Variants in IGF2BP3 observed in about 807,000 individuals in gnomAD.
The protein encoded by IGF2BP3 is insulin like growth factor 2 mRNA binding protein 3, also known as insulin-like growth factor 2 mRNA-binding protein 3.
Under a neutral mutation model 73.8 loss-of-function variants are expected in IGF2BP3, and 9 were observed. The ratio of observed to expected loss-of-function variants is 0.12; its 90% CI spans 0.07 to 0.21. The LOEUF (loss-of-function observed/expected upper bound fraction) is 0.21. IGF2BP3 is among the 10% of genes least tolerant of loss of function. The probability of loss-of-function intolerance (pLI) is 1.00; values close to 1 mark genes in which losing one functional copy is unlikely to be tolerated. For missense variants in IGF2BP3, 542 were observed against 714.0 expected (o/e 0.76, Z 2.75); for synonymous variants, 258 against 256.7 (o/e 1.01, Z -0.05).
chr7:23,387,475 T>C (rs1324936257), intron 3 of IGF2BP3, among the ~76,000 whole-genome samples: 1 of 152,214 alleles, frequency 6.6e-6, no homozygotes, highest in African/African-American at 2.4e-5. Flanking sequence ...GAATTTGGTT[T>C]ACTATAAACC....
chr7:23,453,681 T>C (rs147301317), intron 2 of IGF2BP3, among the ~76,000 whole-genome samples: 2 of 152,298 alleles, frequency 1.3e-5, no homozygotes, highest in South Asian at 2.1e-4. Flanking sequence ...TGCCAAGAAG[T>C]CTTTGCCAAT....
At chr7:23,448,924 A>C (rs116721141) in intron 2 of IGF2BP3, among the ~76,000 whole-genome samples, 3,774 of 151,798 alleles carry the variant, frequency 0.025, 151 homozygotes, top group African/African-American at 0.086. Flanking sequence ...GAGCCACTGC[A>C]TCCAGCCACC....
chr7:23,380,522 G>A lies in IGF2BP3; in HGVS notation c.286-18781C>T, dbSNP rs758541843. ...ATCCATGCAATTTAATATGGTTCAA[G>A]ACTGTCATACATTACTCTCATCCAC... On this transcript the variant is annotated intron_variant, in intron 3 of 14. Coordinates refer to ENST00000258729, the MANE Select transcript of IGF2BP3 (RefSeq NM_006547.3). Among the ~76,000 whole-genome samples, 97 of 152,106 alleles carry A rather than the reference G, an allele frequency of 6.4e-4. 1 individual carries two copies. Among genetic ancestry groups the A allele is most frequent in the Admixed American group, 5.2e-4 (8 of 15,248 alleles).
chr7:23,408,979 G>T (rs1211002473), intron 3 of IGF2BP3, among the ~76,000 whole-genome samples: 2 of 143,616 alleles, frequency 1.4e-5, no homozygotes, highest in East Asian at 1.9e-4. Flanking sequence ...GTGGGGATGG[G>T]GGGGATGGCT....
At chr7:23,443,110 T>A (rs1477597670) in intron 2 of IGF2BP3, among the ~76,000 whole-genome samples, 7 of 136,868 alleles carry the variant, frequency 5.1e-5, no homozygotes, top group African/African-American at 2.0e-4. Context: ...TGATTTTTTT[T>A]TTTTTTTTTT....
At chr7:23,420,141 T>C (rs753749895) in intron 2 of IGF2BP3, among the ~76,000 whole-genome samples, 12 of 152,206 alleles carry the variant, frequency 7.9e-5, no homozygotes, top group Non-Finnish European at 1.6e-4. Flanking sequence ...AAACTAGCAA[T>C]TGAGCTTGAC....
chr7:23,321,934 A>T (rs555045804), intron 10 of IGF2BP3, among the ~76,000 whole-genome samples: 1 of 152,230 alleles, frequency 6.6e-6, no homozygotes, highest in South Asian at 2.1e-4. Flanking sequence ...CATCACCGTC[A>T]TCAAAGACCA....
intron 11 of IGF2BP3, among the ~76,000 whole-genome samples, chr7:23,318,092 C>T (rs1381188405): frequency 6.6e-6 from 1 of 152,206 alleles, no homozygotes; most frequent in Non-Finnish European, 1.5e-5. Context: ...TCTCCATTGC[C>T]TGTGTTCACT....
Position 23,317,732 on chromosome 7 carries a change from C to T in IGF2BP3, c.1321-19G>A. ...GAGCAATCTGTAACAGACCCAACAA[C>T]AAGTTATGATACTTTCAGGTATCAC... On this transcript the variant is annotated intron_variant, in intron 11 of 14. Transcript: ENST00000258729. 6.2e-7 allele frequency: 1 copy of T among 1,604,692 alleles called. No homozygotes were observed. Among genetic ancestry groups the T allele is most frequent in the Non-Finnish European group, 8.5e-7 (1 of 1,171,310 alleles).
intron 3 of IGF2BP3, among the ~76,000 whole-genome samples, chr7:23,364,953 G>A (rs1451283902): frequency 6.6e-6 from 1 of 152,138 alleles, no homozygotes; most frequent in Non-Finnish European, 1.5e-5. Context: ...ATCACTAGAG[G>A]TCAGGAGTTT....
chr7:23,363,930 A>G lies in IGF2BP3; in HGVS notation c.286-2189T>C, dbSNP rs902980920. 6.6e-5 allele frequency among the ~76,000 whole-genome samples: 10 copies of G among 152,370 alleles called. No individual in the cohort carries two copies. In the East Asian group the frequency reaches 1.9e-3, roughly 29 times the overall value. The stretch of plus-strand genomic sequence containing the variant: ...CATTCAAAGATAAAATATACAACAC[A>G]TAATTCCTTAAATTAAAAACAAGGG... On this transcript the variant is annotated intron_variant, in intron 3 of 14. Transcript: ENST00000258729.
chr7:23,462,787 AGAATATGT>A (rs1289264813), intron 2 of IGF2BP3, among the ~76,000 whole-genome samples: 2 of 152,376 alleles, frequency 1.3e-5, no homozygotes, highest in Non-Finnish European at 2.9e-5. Flanking sequence ...CAAAATTCAC[AGAATATGT>A]CAATATTTAG....
chr7:23,364,025 G>C (rs748432237), intron 3 of IGF2BP3, among the ~76,000 whole-genome samples: 6 of 152,140 alleles, frequency 3.9e-5, no homozygotes, highest in African/African-American at 1.4e-4. Flanking sequence ...TATCACCTGA[G>C]GTCAGGAGTT....
chr7:23,449,554 C>CTTTTTTTTTTTTTT lies in IGF2BP3; in HGVS notation c.236+18914_236+18927dup, dbSNP rs376571131. 2.1e-4 allele frequency among the ~76,000 whole-genome samples: 22 copies of CTTTTTTTTTTTTTT among 106,928 alleles called. 1 individual carries two copies. Among genetic ancestry groups the CTTTTTTTTTTTTTT allele is most frequent in the South Asian group, 6.6e-4 (2 of 3,030 alleles). 70.1% of individuals were successfully genotyped at this position (106,928 alleles called of 152,430 possible). A position where few individuals can be genotyped will look rare whatever the true frequency, so the allele number is the denominator to read the frequency against. On this transcript the variant is annotated intron_variant, in intron 2 of 14. Coordinates refer to ENST00000258729, the MANE Select transcript of IGF2BP3 (RefSeq NM_006547.3). The stretch of plus-strand genomic sequence containing the variant: ...ACAATTTTTTTTCCTTTTTCTTTTT[C>CTTTTTTTTTTTTTT]TTTTTTTTTTTTTTTTTTTTTTGAG...
intron 5 of IGF2BP3, among the ~76,000 whole-genome samples, chr7:23,361,095 A>G (rs1033688459): frequency 5.9e-5 from 9 of 152,216 alleles, no homozygotes; most frequent in African/African-American, 2.2e-4. Context: ...CTAAATGACA[A>G]TGGTAATCAG....
chr7:23,319,765 T>G (rs1784084860), intron 10 of IGF2BP3, among the ~76,000 whole-genome samples: 1 of 152,178 alleles, frequency 6.6e-6, no homozygotes, highest in Non-Finnish European at 1.5e-5. Context: ...TACATATGAC[T>G]AAATTGTATG....
At chr7:23,390,080 T>C (rs370217830) in intron 3 of IGF2BP3, among the ~76,000 whole-genome samples, 11 of 152,308 alleles carry the variant, frequency 7.2e-5, no homozygotes, top group African/African-American at 2.6e-4. Context: ...GCTAATATTT[T>C]GAATTATGTT....
At chr7:23,320,582 T>A (rs1179408501) in intron 10 of IGF2BP3, among the ~76,000 whole-genome samples, 1 of 145,274 alleles carries the variant, frequency 6.9e-6, no homozygotes, top group Non-Finnish European at 1.5e-5. Flanking sequence ...CCAAGACACA[T>A]ATTACAAGAA....
intron 2 of IGF2BP3, among the ~76,000 whole-genome samples, chr7:23,428,524 A>T (rs1018579908): frequency 2.9e-4 from 42 of 147,252 alleles, no homozygotes; most frequent in African/African-American, 9.8e-4. Context: ...TAAAAGAAAA[A>T]AAAAATATAT....
Sources: gnomAD v4.1 joint callset for allele counts (sites outside exome capture counted in the v4.1 genomes callset) on GRCh38, gnomAD v4.1.1 for gene constraint, MANE v1.5 for transcripts, NCBI Gene and HGNC (gene_info 2026-07-23, HGNC 2026-07-21) for gene names.